APBB2: variants seen among roughly 807,000 people sequenced by gnomAD.
APBB2 encodes the protein amyloid beta precursor protein binding family B member 2.
Under a neutral mutation model 82.5 loss-of-function variants are expected in APBB2, and 38 were observed. That is an observed-to-expected ratio of 0.46 (90% confidence interval 0.36 to 0.60). APBB2 has a LOEUF of 0.60. APBB2 is among the 20% of genes least tolerant of loss of function. The probability of loss-of-function intolerance (pLI) is 0.00; values close to 1 mark genes in which losing one functional copy is unlikely to be tolerated. For synonymous variants in APBB2, 341 were observed against 368.2 expected, an observed-to-expected ratio of 0.93 and a Z score of 0.85; for missense variants, 772 against 972.3, an observed-to-expected ratio of 0.79 and a Z score of 2.74.
Position 40,964,916 on chromosome 4 carries a change from C to T in APBB2, c.836-19843G>A, listed in dbSNP as rs550779374. Among the ~76,000 whole-genome samples the T allele has an allele frequency of 1.5e-3, 229 of 152,112 alleles. 3 individuals are homozygous for T. Among genetic ancestry groups the T allele is most frequent in the Admixed American group, 0.01 (157 of 15,284 alleles). Reference sequence around the variant, plus strand: ...CGGGCAGATCACGAGGTCAGGAGATCGAGACCATCCTGGCTAACACAGTGA... The same window carrying T: ...CGGGCAGATCACGAGGTCAGGAGATTGAGACCATCCTGGCTAACACAGTGA... On this transcript the variant is annotated intron_variant, in intron 6 of 17. Coordinates refer to ENST00000508593, the MANE Select transcript of APBB2 (RefSeq NM_004307.2).
At chr4:40,879,398 C>T (rs894524052) in intron 12 of APBB2, among the ~76,000 whole-genome samples, 3 of 152,150 alleles carry the variant, frequency 2.0e-5, no homozygotes, top group African/African-American at 7.2e-5. Flanking sequence ...CAAGCCATTC[C>T]AAAGCTTGAG....
chr4:41,055,515 C>A (rs1317482538), intron 4 of APBB2, among the ~76,000 whole-genome samples: 1 of 152,136 alleles, frequency 6.6e-6, no homozygotes, highest in African/African-American at 2.4e-5. Context: ...TCTATACCAC[C>A]CACTCTTTCG....
intron 2 of APBB2, among the ~76,000 whole-genome samples, chr4:41,104,395 G>A (rs1457599376): frequency 6.6e-6 from 1 of 152,100 alleles, no homozygotes; most frequent in Non-Finnish European, 1.5e-5. Flanking sequence ...GGCCAATTTG[G>A]GACAACTTGG....
In APBB2 at chr4:40,846,015, G is replaced by GGT. The variant is rs58613884; in HGVS notation, c.1530-15440_1530-15439dup. 1.2e-3 allele frequency among the ~76,000 whole-genome samples: 143 copies of GGT among 119,850 alleles called. 1 individual carries two copies. The highest frequency in any genetic ancestry group is 1.5e-3 in the African/African-American group (44 of 30,150). The allele number at this position is 119,850 out of a possible 152,430, so 78.6% of individuals were successfully genotyped here. A position where few individuals can be genotyped will look rare whatever the true frequency, so the allele number is the denominator to read the frequency against. ...TGGGTGGGTGGGTGGGTGTGAGTGGGGTGTGTGTGTGTGTGTGTGTGTGTG... is the reference window on the plus strand; with the variant it reads ...TGGGTGGGTGGGTGGGTGTGAGTGGGGTGTGTGTGTGTGTGTGTGTGTGTGTG... On this transcript the variant is annotated intron_variant, in intron 12 of 17. Coordinates refer to ENST00000508593, the MANE Select transcript of APBB2 (RefSeq NM_004307.2).
chr4:40,941,869 T>G (rs2154379039), intron 7 of APBB2, among the ~76,000 whole-genome samples: 1 of 152,216 alleles, frequency 6.6e-6, no homozygotes, highest in South Asian at 2.1e-4. Flanking sequence ...ACTCCTGGTC[T>G]CAAGTGATTC....
intron 6 of APBB2, among the ~76,000 whole-genome samples, chr4:41,000,166 T>G (rs6825236): frequency 0.2 from 30,378 of 149,564 alleles, 3,504 homozygotes; most frequent in Non-Finnish European, 0.26. Context: ...AAGGCTGAGG[T>G]AGGGGGATCA....
intron 12 of APBB2, among the ~76,000 whole-genome samples, chr4:40,842,737 T>C (rs1206313718): frequency 6.6e-6 from 1 of 152,202 alleles, no homozygotes; most frequent in East Asian, 1.9e-4. Flanking sequence ...CTGCTCCCAA[T>C]AAAAAACATA....
chr4:41,173,817 G>A (rs999776338), intron 1 of APBB2, among the ~76,000 whole-genome samples: 4 of 151,786 alleles, frequency 2.6e-5, no homozygotes, highest in East Asian at 3.9e-4. Flanking sequence ...TACAACGTTC[G>A]CACAACTATG....
intron 2 of APBB2, among the ~76,000 whole-genome samples, chr4:41,126,292 G>A (rs1754382818): frequency 6.6e-6 from 1 of 152,046 alleles, no homozygotes; most frequent in African/African-American, 2.4e-5. Context: ...GCTGAAGCAG[G>A]AGGATCGCTT....
rs141643875 is a variant in APBB2 at position 41,146,882 on chromosome 4, C to G, written c.-416-3740G>C. 3.5e-4 allele frequency among the ~76,000 whole-genome samples: 54 copies of G among 152,334 alleles called. No individual in the cohort carries two copies. In the East Asian group the frequency reaches 8.9e-3, roughly 25 times the overall value. ...GCTGCGCATAAAGCCGCGGCCCGGG[C>G]TGATGTGATCTGGCTTTGCGAGAGC... On this transcript the variant is annotated intron_variant, in intron 1 of 17. Coordinates refer to ENST00000508593, the MANE Select transcript of APBB2 (RefSeq NM_004307.2).
intron 4 of APBB2, among the ~76,000 whole-genome samples, chr4:41,045,157 T>C (rs1453200925): frequency 6.6e-6 from 1 of 152,192 alleles, no homozygotes; most frequent in Non-Finnish European, 1.5e-5. Flanking sequence ...AATTTCTAAT[T>C]CTTTCTTGAG....
intron 10 of APBB2, among the ~76,000 whole-genome samples, chr4:40,896,215 C>T (rs990973854): frequency 6.6e-6 from 1 of 152,198 alleles, no homozygotes; most frequent in Non-Finnish European, 1.5e-5. Flanking sequence ...CAGGTGTACA[C>T]CACCGTGCCC....
At chr4:41,091,148 T>A (rs906175557) in intron 3 of APBB2, among the ~76,000 whole-genome samples, 1 of 152,200 alleles carries the variant, frequency 6.6e-6, no homozygotes, top group Non-Finnish European at 1.5e-5. Context: ...GTATTTTATT[T>A]CCCATCACTG....
chr4:40,922,675 A>T (rs1442016989), intron 10 of APBB2, among the ~76,000 whole-genome samples: 1 of 152,078 alleles, frequency 6.6e-6, no homozygotes, highest in African/African-American at 2.4e-5. Flanking sequence ...CAGTGGCGCA[A>T]TCTCGGCTCT....
intron 1 of APBB2, among the ~76,000 whole-genome samples, chr4:41,182,258 T>C (rs1281069903): frequency 6.6e-6 from 1 of 152,208 alleles, no homozygotes; most frequent in Non-Finnish European, 1.5e-5. Flanking sequence ...CTATCAAAAC[T>C]GCTTGTCAAG....
intron 3 of APBB2, among the ~76,000 whole-genome samples, chr4:41,088,981 G>C (rs934248716): frequency 1.3e-5 from 2 of 152,142 alleles, no homozygotes; most frequent in Non-Finnish European, 2.9e-5. Context: ...TTCTCTTCCA[G>C]ATCATCTCAG....
intron 3 of APBB2, among the ~76,000 whole-genome samples, chr4:41,083,773 A>G (rs929254858): frequency 6.6e-6 from 1 of 151,932 alleles, no homozygotes; most frequent in Non-Finnish European, 1.5e-5. Context: ...TAAGTTTCTA[A>G]CAGTAATTAT....
At chr4:40,890,321 G>T in intron 12 of APBB2, 43 bp downstream of exon 12, 3 of 1,589,154 alleles carry the variant, frequency 1.9e-6, no homozygotes, top group Non-Finnish European at 2.6e-6. Flanking sequence ...CTAGACCAGG[G>T]ACACGGGTGA....
intron 4 of APBB2, among the ~76,000 whole-genome samples, chr4:41,047,892 G>C (rs1476688443): frequency 6.6e-6 from 1 of 152,178 alleles, no homozygotes; most frequent in Non-Finnish European, 1.5e-5. Context: ...CAGCAACACA[G>C]AGCTTACCTT....
Sources: gnomAD v4.1 joint callset for allele counts (sites outside exome capture counted in the v4.1 genomes callset) on GRCh38, gnomAD v4.1.1 for gene constraint, MANE v1.5 for transcripts, NCBI Gene and HGNC (gene_info 2026-07-23, HGNC 2026-07-21) for gene names.